Variants in FARS2 observed in about 807,000 individuals in gnomAD.
FARS2 encodes phenylalanine--tRNA ligase, mitochondrial.
FARS2 carries 40 observed loss-of-function variants against 46.4 expected under a neutral mutation model. The ratio of observed to expected loss-of-function variants is 0.86; its 90% CI spans 0.67 to 1.12. FARS2 has a LOEUF of 1.12. Among genes scored for constraint, FARS2 ranks in the 50% most tolerant of loss-of-function variants. FARS2 has a pLI of 0.00. For synonymous variants in FARS2, 234 were observed against 214.9 expected, an observed-to-expected ratio of 1.09 and a Z score of -0.78; for missense variants, 513 against 567.9, an observed-to-expected ratio of 0.90 and a Z score of 0.98.
intron 1 of FARS2, among the ~76,000 whole-genome samples, chr6:5,278,403 T>C (rs1766488779): frequency 1.3e-5 from 2 of 152,180 alleles, no homozygotes; most frequent in South Asian, 4.2e-4. Context: ...GGTTGTTTTT[T>C]TAACTTGCAT....
chr6:5,280,787 G>A (rs1326856207), intron 1 of FARS2, among the ~76,000 whole-genome samples: 3 of 151,722 alleles, frequency 2.0e-5, no homozygotes, highest in Non-Finnish European at 2.9e-5. Context: ...GCCTCAGAAA[G>A]TATGTAGGTT....
intron 6 of FARS2, among the ~76,000 whole-genome samples, chr6:5,688,988 T>C (rs182993119): frequency 0.015 from 2,274 of 152,350 alleles, 54 homozygotes; most frequent in African/African-American, 0.052. Flanking sequence ...TTTATTTGCA[T>C]AGAGGTGTTT....
intron 6 of FARS2, among the ~76,000 whole-genome samples, chr6:5,685,030 A>G (rs987755921): frequency 6.6e-6 from 1 of 152,012 alleles, no homozygotes. Context: ...CTTGACCCTA[A>G]ACACCGTGGA....
chr6:5,475,231 T>C (rs996538974), intron 4 of FARS2, among the ~76,000 whole-genome samples: 4 of 152,206 alleles, frequency 2.6e-5, no homozygotes, highest in African/African-American at 9.6e-5. Flanking sequence ...GTTGAAAGAC[T>C]AGATTTCTTG....
chr6:5,678,211 C>T (rs772739651), intron 6 of FARS2, among the ~76,000 whole-genome samples: 2 of 152,184 alleles, frequency 1.3e-5, no homozygotes, highest in Admixed American at 1.3e-4. Flanking sequence ...TAGCCTCCCA[C>T]GTCCCCTCCC....
intron 3 of FARS2, among the ~76,000 whole-genome samples, chr6:5,429,284 A>G (rs536554814): frequency 6.6e-6 from 1 of 152,294 alleles, no homozygotes; most frequent in East Asian, 1.9e-4. Flanking sequence ...AGGGGGAAAT[A>G]TTGTATTACT....
In FARS2 at chr6:5,343,459, G is replaced by A. The variant is rs920412167; in HGVS notation, c.-21-25091G>A. On this transcript the variant is annotated intron_variant, in intron 1 of 6. Transcript: ENST00000274680. The surrounding 1 kb of genome is among the most constrained non-coding windows in gnomAD (Gnocchi z 4.5). The stretch of plus-strand genomic sequence containing the variant: ...ACTCCTGACCTCAGGTGATCCACCC[G>A]CCTCGGCCTCTGAAAGTGCTGGGAT... Among the ~76,000 whole-genome samples the A allele has an allele frequency of 5.9e-5, 9 of 152,098 alleles. No individual in the cohort carries two copies. The highest frequency in any genetic ancestry group is 5.2e-4 in the Admixed American group (8 of 15,270).
intron 4 of FARS2, among the ~76,000 whole-genome samples, chr6:5,469,847 A>T (rs967167676): frequency 6.6e-6 from 1 of 152,178 alleles, no homozygotes; most frequent in African/African-American, 2.4e-5. Context: ...TTGTGGGTTT[A>T]GGATTTTGAG....
intron 1 of FARS2, among the ~76,000 whole-genome samples, chr6:5,348,993 TAA>T (rs1252264668): frequency 1.3e-5 from 2 of 152,264 alleles, no homozygotes; most frequent in South Asian, 2.1e-4. Flanking sequence ...GCAAGGAAAA[TAA>T]AAGACATTCA....
chr6:5,528,239 A>G (rs1197286279), intron 4 of FARS2, among the ~76,000 whole-genome samples: 3 of 151,922 alleles, frequency 2.0e-5, no homozygotes, highest in Admixed American at 1.3e-4. Context: ...TCTGTTGCCA[A>G]GGTTGGATTT....
intron 5 of FARS2, among the ~76,000 whole-genome samples, chr6:5,554,377 A>G (rs931291437): frequency 2.0e-5 from 3 of 152,198 alleles, no homozygotes; most frequent in East Asian, 3.8e-4. Context: ...GACAGTTACT[A>G]TCAAAGAGTC....
chr6:5,700,158 C>G (rs1758330573), intron 6 of FARS2, among the ~76,000 whole-genome samples: 1 of 152,208 alleles, frequency 6.6e-6, no homozygotes, highest in Non-Finnish European at 1.5e-5. Flanking sequence ...GCCACGGCTA[C>G]AAGTCACGGA....
intron 6 of FARS2, among the ~76,000 whole-genome samples, chr6:5,627,363 G>A (rs1027226093): frequency 2.6e-5 from 4 of 152,212 alleles, no homozygotes; most frequent in Non-Finnish European, 2.9e-5. Flanking sequence ...GTAAGATGAA[G>A]AAAGAGGAAA....
At chr6:5,544,104 G>A (rs749216199) in intron 4 of FARS2, among the ~76,000 whole-genome samples, 6 of 151,520 alleles carry the variant, frequency 4.0e-5, no homozygotes, top group African/African-American at 7.3e-5. Flanking sequence ...AATTTGTTCC[G>A]TCCCACTGTA....
At chr6:5,740,785 C>T (rs1761282650) in intron 6 of FARS2, among the ~76,000 whole-genome samples, 2 of 152,108 alleles carry the variant, frequency 1.3e-5, no homozygotes, top group African/African-American at 2.4e-5. Flanking sequence ...GGGGAATAGC[C>T]CCACTGCTAG....
chr6:5,283,703 G>T (rs73718035), intron 1 of FARS2, among the ~76,000 whole-genome samples: 1 of 152,026 alleles, frequency 6.6e-6, no homozygotes, highest in African/African-American at 2.4e-5. Context: ...ATTTCTAAAA[G>T]GTGTCAGGTA....
At position 5,413,293 on chromosome 6, in the gene FARS2, ATTGT is replaced by A. The variant is rs200183247; in HGVS notation, c.772+8596_772+8599del. Among the ~76,000 whole-genome samples, 10 of 152,272 alleles carry A rather than the reference ATTGT, an allele frequency of 6.6e-5. No homozygotes were observed. The East Asian group carries it at 1.7e-3, about 26-fold the overall frequency. On this transcript the variant is annotated intron_variant, in intron 3 of 6. Coordinates refer to ENST00000274680, the MANE Select transcript of FARS2 (RefSeq NM_006567.5). ...TAATCTAGGGAAATAATAAATTGAA[ATTGT>A]TTGGGGTTTTATGTTAATTAAAATA...
chr6:5,768,366 A>T (rs1762856176), intron 6 of FARS2, among the ~76,000 whole-genome samples: 1 of 152,230 alleles, frequency 6.6e-6, no homozygotes, highest in Admixed American at 6.5e-5. Flanking sequence ...AGTTGTTTGA[A>T]TCCCAAGAAT....
At chr6:5,357,236 A>G (rs1255765507) in intron 1 of FARS2, among the ~76,000 whole-genome samples, 1 of 152,218 alleles carries the variant, frequency 6.6e-6, no homozygotes, top group African/African-American at 2.4e-5. Context: ...TGGAAATATC[A>G]CTGTGAGTTA....
Sources: gnomAD v4.1 joint callset for allele counts (sites outside exome capture counted in the v4.1 genomes callset) on GRCh38, gnomAD v4.1.1 for gene constraint, Gnocchi (gnomAD v3.1) non-coding constraint, MANE v1.5 for transcripts, NCBI Gene and HGNC (gene_info 2026-07-23, HGNC 2026-07-21) for gene names.